N4BP2: variants seen among roughly 807,000 people sequenced by gnomAD.
The protein encoded by N4BP2 is NEDD4-binding protein 2.
In N4BP2, 91 loss-of-function variants were observed where a neutral mutation model predicts 152.8. The observed-to-expected ratio is 0.60, with a 90% CI of 0.50 to 0.71. The LOEUF is 0.71. Ranked by LOEUF, N4BP2 falls within the 30% of genes least tolerant of loss-of-function variation. N4BP2 has a pLI of 0.00. For missense variants in N4BP2, 1,923 were observed against 2,059.1 expected, an observed-to-expected ratio of 0.93 and a Z score of 1.28; for synonymous variants, 646 against 705.3, an observed-to-expected ratio of 0.92 and a Z score of 1.33.
intron 2 of N4BP2, among the ~76,000 whole-genome samples, chr4:40,084,631 ATTTTTTT>A (rs67269894): frequency 7.8e-6 from 1 of 128,686 alleles, no homozygotes; most frequent in African/African-American, 2.9e-5. Context: ...TATATATATA[ATTTTTTT>A]TTTTTTTTTT....
chr4:40,090,410 T>C (rs1487452017), intron 2 of N4BP2, among the ~76,000 whole-genome samples: 3 of 152,226 alleles, frequency 2.0e-5, no homozygotes, highest in African/African-American at 4.8e-5. Context: ...TCTTTGAACA[T>C]TTCTTTCACA....
intron 2 of N4BP2, among the ~76,000 whole-genome samples, chr4:40,081,369 G>A (rs1713350992): frequency 6.6e-6 from 1 of 152,142 alleles, no homozygotes; most frequent in African/African-American, 2.4e-5. Flanking sequence ...GTGAAGGCCG[G>A]GCGAGGTGGC....
At chr4:40,083,800 ACTT>A (rs1713644510) in intron 2 of N4BP2, among the ~76,000 whole-genome samples, 1 of 152,174 alleles carries the variant, frequency 6.6e-6, no homozygotes. Context: ...TGAATTGTAC[ACTT>A]TTGAAATGGT....
chr4:40,169,895 C>T, the N4BP2 span, among the ~76,000 whole-genome samples: 1 of 146,786 alleles, frequency 6.8e-6, no homozygotes, highest in Non-Finnish European at 1.5e-5. Flanking sequence ...ACCTGGGAGG[C>T]AGAGGTTTCA....
At chr4:40,078,113 ATGTGTGTGTGTGTG>A (rs71194969) in intron 2 of N4BP2, 1 of 142,642 alleles carries the variant, frequency 7.0e-6, no homozygotes, top group Admixed American at 7.0e-5. Context: ...ATATTTCTAA[ATGTGTGTGTGTGTG>A]TGTGTGTGTG....
the N4BP2 span, among the ~76,000 whole-genome samples, chr4:40,189,760 G>T: frequency 2.0e-5 from 3 of 152,070 alleles, no homozygotes; most frequent in Non-Finnish European, 4.4e-5. This position sits in a 1 kb window ranked among gnomAD's most constrained non-coding sequence, Gnocchi z 4.3. Context: ...ATGGTGGTAG[G>T]CCCCTGTAAT....
intron 13 of N4BP2, among the ~76,000 whole-genome samples, chr4:40,133,536 A>G (rs1261551584): frequency 6.6e-6 from 1 of 152,032 alleles, no homozygotes. Context: ...AGGTTTCACT[A>G]TGTTGGCCAG....
chr4:40,150,274 A>C (rs934261589), intron 16 of N4BP2, among the ~76,000 whole-genome samples: 9 of 152,200 alleles, frequency 5.9e-5, no homozygotes, highest in African/African-American at 2.2e-4. Flanking sequence ...AGCAGATCAA[A>C]CCTTTAGAAC....
chr4:40,126,312 AC>A lies in N4BP2; in HGVS notation c.4510del (p.Gln1504ArgfsTer6). 2.0e-6 allele frequency: 3 copies of A among 1,530,306 alleles called. No individual in the cohort carries two copies. Among genetic ancestry groups the A allele is most frequent in the Non-Finnish European group, 2.7e-6 (3 of 1,126,050 alleles). 94.8% of individuals were successfully genotyped at this position (1,530,306 alleles called of 1,614,324 possible). On this transcript the variant is annotated frameshift_variant, in exon 12 of 18. Coordinates refer to ENST00000261435, the MANE Select transcript of N4BP2 (RefSeq NM_018177.6). LOFTEE classifies it high-confidence loss of function. The stretch of plus-strand genomic sequence containing the variant: ...AAATAATGTCAGAAGAAATTGCCTT[AC>A]AGGAAAAACATAATTTGGTATGAAT... ...REIMSEEIAL[Q>X]EKHNLKRETL...
intron 13 of N4BP2, among the ~76,000 whole-genome samples, chr4:40,132,885 G>T (rs945350691): frequency 1.3e-5 from 2 of 148,316 alleles, no homozygotes; most frequent in Non-Finnish European, 3.0e-5. Flanking sequence ...TAATTCATTG[G>T]TATTTTTACA....
chr4:40,080,337 T>C (rs12510011), intron 2 of N4BP2, among the ~76,000 whole-genome samples: 1 of 129,948 alleles, frequency 7.7e-6, no homozygotes, highest in South Asian at 2.7e-4. Flanking sequence ...CACACACACA[T>C]ATATATGTAT....
At chr4:40,067,894 G>A (rs1400490585) in intron 1 of N4BP2, among the ~76,000 whole-genome samples, 1 of 151,890 alleles carries the variant, frequency 6.6e-6, no homozygotes, top group African/African-American at 2.4e-5. Context: ...TGGCCAGGCT[G>A]GTCTTGAACC....
chr4:40,130,762 T>C (rs1226022152), intron 12 of N4BP2, among the ~76,000 whole-genome samples: 1 of 152,226 alleles, frequency 6.6e-6, no homozygotes, highest in Non-Finnish European at 1.5e-5. Flanking sequence ...TCAGCTATTG[T>C]AATTTTTAAA....
Position 40,106,889 on chromosome 4 carries a change from A to G in N4BP2, c.1374-11A>G. 1.3e-6 allele frequency: 2 copies of G among 1,577,416 alleles called. No homozygotes were observed. The highest frequency in any genetic ancestry group is 2.3e-5 in the East Asian group (1 of 44,388). ...AAAGGTAATGAAAATTATTTCATTTATCTTTCACAGGACTTTGCAAGAGGA... is the reference window on the plus strand; with the variant it reads ...AAAGGTAATGAAAATTATTTCATTTGTCTTTCACAGGACTTTGCAAGAGGA... On this transcript the variant is annotated splice_polypyrimidine_tract_variant and intron_variant, in intron 4 of 17. Transcript: ENST00000261435.
intron 4 of N4BP2, among the ~76,000 whole-genome samples, chr4:40,104,745 T>C (rs1467947320): frequency 6.6e-6 from 1 of 151,974 alleles, no homozygotes; most frequent in Non-Finnish European, 1.5e-5. Flanking sequence ...AGAAACTTAA[T>C]ATTTTTTGAA....
intron 2 of N4BP2, among the ~76,000 whole-genome samples, chr4:40,082,587 C>G (rs1560577803): frequency 6.6e-6 from 1 of 152,086 alleles, no homozygotes; most frequent in Non-Finnish European, 1.5e-5. Flanking sequence ...GAGCCCAGGA[C>G]TTCGAGACCA....
intron 16 of N4BP2, 140 bp from the exon 17 acceptor site, chr4:40,152,640 C>G: frequency 7.8e-6 from 6 of 769,236 alleles, no homozygotes; most frequent in Non-Finnish European, 1.3e-5. Flanking sequence ...GCAAATCTGT[C>G]TTACTATTAC....
rs1472211988 is a variant in N4BP2, at chr4:40,154,595, G to A, written c.*358G>A. ...ATGTCCTAAAAGTCTTTTGTGAGAG[G>A]TATTTAAAGTGCTTTGAGACCTGAT... On this transcript the variant is annotated 3_prime_UTR_variant, in exon 18 of 18. Transcript: ENST00000261435. The A allele has an allele frequency of 5.3e-6, 1 of 187,198 alleles. No individual in the cohort carries two copies. The highest frequency in any genetic ancestry group is 2.4e-5 in the African/African-American group (1 of 41,960). The allele number at this position is 187,198 out of a possible 1,614,324, so 11.6% of individuals were successfully genotyped here.
chr4:40,086,505 T>A (rs1043447161), intron 2 of N4BP2, among the ~76,000 whole-genome samples: 11 of 151,818 alleles, frequency 7.2e-5, no homozygotes, highest in Non-Finnish European at 1.5e-4. Context: ...GCCCAGCTAA[T>A]TTTTGTATTT....
Sources: allele counts gnomAD v4.1 joint callset (sites outside exome capture counted in the v4.1 genomes callset), GRCh38; gene constraint gnomAD v4.1.1; non-coding constraint Gnocchi (gnomAD v3.1); transcripts MANE v1.5; gene names NCBI Gene and HGNC (gene_info 2026-07-23, HGNC 2026-07-21).